Variants in LEPR observed in about 807,000 individuals in gnomAD.
The protein encoded by LEPR is leptin receptor.
In LEPR, 56 loss-of-function variants were observed where a neutral mutation model predicts 114.7. That is an observed-to-expected ratio of 0.49 (90% confidence interval 0.39 to 0.61). The LOEUF (loss-of-function observed/expected upper bound fraction) is 0.61, where lower values mean the gene tolerates loss of function less well. Among genes scored for constraint, LEPR ranks in the 20% least tolerant of loss-of-function variants. LEPR has a pLI of 0.00. For missense variants in LEPR, 1,202 were observed against 1,352.9 expected, an observed-to-expected ratio of 0.89 and a Z score of 1.75; for synonymous variants, 443 against 461.4, an observed-to-expected ratio of 0.96 and a Z score of 0.51.
intron 8 of LEPR, among the ~76,000 whole-genome samples, chr1:65,600,723 A>G (rs1406335998): frequency 3.9e-5 from 6 of 152,118 alleles, no homozygotes; most frequent in Admixed American, 6.6e-5. Flanking sequence ...AATCATGTGT[A>G]GGCATTAAAA....
Position 65,466,643 on chromosome 1 carries a change from C to T in LEPR, c.-21+41265C>T, listed in dbSNP as rs371304271. 7.9e-5 allele frequency among the ~76,000 whole-genome samples: 12 copies of T among 152,268 alleles called. No homozygotes were observed. In the East Asian group the frequency reaches 1.9e-3, roughly 24 times the overall value. ...TGTTTTCCAACTTGGTTCCATTCTC[C>T]CCGTCACTTTTGGTACACCAATCAG... is the stretch of plus-strand genomic sequence containing the variant. On this transcript the variant is annotated intron_variant, in intron 2 of 19. Transcript: ENST00000349533.
intron 2 of LEPR, among the ~76,000 whole-genome samples, chr1:65,464,013 T>C (rs910457585): frequency 6.6e-6 from 1 of 152,220 alleles, no homozygotes; most frequent in Non-Finnish European, 1.5e-5. Flanking sequence ...CAATACCTTT[T>C]ATTTCTTTCT....
intron 2 of LEPR, among the ~76,000 whole-genome samples, chr1:65,429,078 A>G (rs866440658): frequency 3.3e-5 from 5 of 152,202 alleles, no homozygotes; most frequent in African/African-American, 1.2e-4. Context: ...GATCAAGACT[A>G]ATCTATCAGA....
At chr1:65,467,990 C>A (rs142579433) in intron 2 of LEPR, among the ~76,000 whole-genome samples, 1 of 152,338 alleles carries the variant, frequency 6.6e-6, no homozygotes, top group East Asian at 1.9e-4. Flanking sequence ...ACCCCTTGCG[C>A]TTCCCGGGTG....
At chr1:65,432,819 C>A in intron 2 of LEPR, 1 of 590,036 alleles carries the variant, frequency 1.7e-6, no homozygotes, top group Non-Finnish European at 2.1e-6. Flanking sequence ...CTAATGTTCT[C>A]ATAAAAAAGT....
Position 65,475,006 on chromosome 1 carries a change from C to CAA in LEPR, c.-21+49650_-21+49651dup, listed in dbSNP as rs1325552861. On this transcript the variant is annotated intron_variant, in intron 2 of 19. Transcript: ENST00000349533. ...TGGGCGACAGTGCGAGACTCCATCT[C>CAA]AAAAAAAAAAAAAAAAAAAAAAAGT... 9.8e-3 allele frequency among the ~76,000 whole-genome samples: 234 copies of CAA among 23,760 alleles called. 4 individuals carry two copies. Among genetic ancestry groups the CAA allele is most frequent in the Middle Eastern group, 0.062 (1 of 16 alleles). The allele number at this position is 23,760 out of a possible 152,430, so 15.6% of individuals were successfully genotyped here.
chr1:65,457,999 C>T (rs1288087071), intron 2 of LEPR, among the ~76,000 whole-genome samples: 1 of 152,188 alleles, frequency 6.6e-6, no homozygotes, highest in Non-Finnish European at 1.5e-5. Context: ...TGAATACCTA[C>T]AAAGTTGAGG....
chr1:65,432,946 T>G (rs1646507088), intron 2 of LEPR: 2 of 983,908 alleles, frequency 2.0e-6, no homozygotes, highest in South Asian at 4.7e-5. Context: ...ATAATCAAAA[T>G]AAAAAACAAA....
intron 2 of LEPR, among the ~76,000 whole-genome samples, chr1:65,548,876 A>G (rs1419217714): frequency 1.3e-5 from 2 of 152,160 alleles, no homozygotes; most frequent in African/African-American, 2.4e-5. Context: ...TATTTTGTTC[A>G]TTAGTTGATG....
At chr1:65,442,613 C>T (rs1369043392) in intron 2 of LEPR, among the ~76,000 whole-genome samples, 1 of 152,160 alleles carries the variant, frequency 6.6e-6, no homozygotes, top group Non-Finnish European at 1.5e-5. Flanking sequence ...TCATCAACAG[C>T]TGGAATATTT....
intron 2 of LEPR, among the ~76,000 whole-genome samples, 182 bp downstream of exon 2, chr1:65,425,560 T>C (rs898607150): frequency 3.9e-5 from 6 of 152,186 alleles, no homozygotes; most frequent in Non-Finnish European, 8.8e-5. Flanking sequence ...TGTTAAAAAT[T>C]GATGTATTCA....
At chr1:65,458,624 T>C (rs1234123603) in intron 2 of LEPR, among the ~76,000 whole-genome samples, 1 of 152,186 alleles carries the variant, frequency 6.6e-6, no homozygotes, top group East Asian at 1.9e-4. Context: ...GGATTTTCTT[T>C]TGTCTTTGAT....
intron 19 of LEPR, chr1:65,623,257 G>A (rs1657994290): frequency 6.3e-6 from 2 of 319,954 alleles, no homozygotes; most frequent in Non-Finnish European, 1.2e-5. Context: ...ATATTAGAAA[G>A]TTAAGGGTCA....
intron 19 of LEPR, chr1:65,623,305 G>A (rs1657997248): frequency 1.0e-5 from 2 of 191,134 alleles, no homozygotes; most frequent in Non-Finnish European, 2.1e-5. Context: ...CACTTTTTTT[G>A]GTATAAACTG....
chr1:65,547,051 T>A (rs1651800356), intron 2 of LEPR, among the ~76,000 whole-genome samples: 1 of 152,136 alleles, frequency 6.6e-6, no homozygotes, highest in Non-Finnish European at 1.5e-5. Context: ...CTTTTCTGCA[T>A]CTATTGAGAT....
At chr1:65,569,737 A>G (rs1392747791) in intron 3 of LEPR, among the ~76,000 whole-genome samples, 1 of 138,284 alleles carries the variant, frequency 7.2e-6, no homozygotes, top group South Asian at 2.2e-4. Flanking sequence ...AAAAAAAAAG[A>G]CAAGGTTTAA....
rs898698911 is a variant in LEPR at position 65,425,192 on chromosome 1, C to T, written c.-96-111C>T. On this transcript the variant is annotated intron_variant, in intron 1 of 19. Coordinates refer to ENST00000349533, the MANE Select transcript of LEPR (RefSeq NM_002303.6). Reference sequence around the variant, plus strand: ...ATCTAATTCCAGAAAATTTACTCATCCGCCAAAGAAACTCTGGACCTATTA... The same window carrying T: ...ATCTAATTCCAGAAAATTTACTCATTCGCCAAAGAAACTCTGGACCTATTA... 4 of 829,920 alleles carry T rather than the reference C, an allele frequency of 4.8e-6. No individual in the cohort carries two copies. In the Admixed American group the frequency reaches 7.8e-5, roughly 16 times the overall value. 51.4% of individuals were successfully genotyped at this position (829,920 alleles called of 1,614,324 possible). A position where few individuals can be genotyped will look rare whatever the true frequency, so the allele number is the denominator to read the frequency against.
At chr1:65,520,902 G>A (rs1206733684) in intron 2 of LEPR, among the ~76,000 whole-genome samples, 3 of 152,318 alleles carry the variant, frequency 2.0e-5, no homozygotes, top group East Asian at 1.9e-4. Context: ...GTTTAAGAAC[G>A]CCTTTAAGTG....
intron 2 of LEPR, among the ~76,000 whole-genome samples, chr1:65,469,062 G>A (rs1647051186): frequency 6.6e-6 from 1 of 152,198 alleles, no homozygotes; most frequent in South Asian, 2.1e-4. Context: ...AACTATTTCA[G>A]AAAGTTTTTA....
Sources: allele counts gnomAD v4.1 joint callset (sites outside exome capture counted in the v4.1 genomes callset), GRCh38; gene constraint gnomAD v4.1.1; transcripts MANE v1.5; gene names NCBI Gene and HGNC (gene_info 2026-07-23, HGNC 2026-07-21).